Variants in KIAA1217 observed in about 807,000 individuals in gnomAD.
The protein encoded by KIAA1217 is sickle tail protein homolog.
KIAA1217 carries 88 observed loss-of-function variants against 163.9 expected under a neutral mutation model. The ratio of observed to expected loss-of-function variants is 0.54; its 90% confidence interval spans 0.45 to 0.64. The LOEUF is 0.64. KIAA1217 is among the 30% of genes least tolerant of loss of function. KIAA1217 has a pLI of 0.00. For missense variants in KIAA1217, 2,372 were observed against 2,475.0 expected (o/e 0.96, Z 0.88); for synonymous variants, 903 against 923.1 (o/e 0.98, Z 0.39).
rs145656556 is a variant in KIAA1217, at chr10:24,163,577, G to A, written c.-170-56049G>A. Among the ~76,000 whole-genome samples the A allele has an allele frequency of 1.2e-3, 184 of 152,146 alleles. 1 individual carries two copies. The highest frequency in any genetic ancestry group is 4.3e-3 in the African/African-American group (178 of 41,534). On this transcript the variant is annotated intron_variant, in intron 2 of 18. Transcript: ENST00000376462. ...TTTTCTTGAAGCTTATTTCTTTTCC[G>A]TTCATTATTCATACTTTAGTAAGTA... is the stretch of plus-strand genomic sequence containing the variant.
chr10:23,868,744 T>C lies in KIAA1217; in HGVS notation c.-320-138481T>C, dbSNP rs537513868. 1.4e-4 allele frequency among the ~76,000 whole-genome samples: 21 copies of C among 152,302 alleles called. 1 individual carries two copies. The South Asian group carries it at 3.7e-3, about 27-fold the overall frequency. On this transcript the variant is annotated intron_variant, in intron 1 of 18. Coordinates refer to the KIAA1217 transcript ENST00000376462. The stretch of plus-strand genomic sequence containing the variant: ...AGTAGAGCCTCCTGGCTCTCAGGCC[T>C]GCTGCGTTGTCAGGATGTTTGCAAA...
At chr10:23,715,649 C>G (rs1306981632) in intron 1 of KIAA1217, among the ~76,000 whole-genome samples, 1 of 152,026 alleles carries the variant, frequency 6.6e-6, no homozygotes, top group Admixed American at 6.6e-5. Flanking sequence ...GAAGTGATGA[C>G]TAACATGTAA....
In KIAA1217 at chr10:24,433,119, G is replaced by T. The variant is rs1357804696; in HGVS notation, c.678G>T (p.Met226Ile). The change falls in exon 4 of 21, where the codon ATG becomes ATT. Residue 226 changes from methionine to isoleucine, a missense_variant. Met to Ile is a conservative substitution (Grantham distance 10, BLOSUM62 1). Coordinates refer to ENST00000376454, the MANE Select transcript of KIAA1217 (RefSeq NM_019590.5). The stretch of plus-strand genomic sequence containing the variant: ...TTCCACAGCAGCTCACCATGAAAAT[G>T]CTGGAATCGCCCAGTGTCGCCATTT... ...SAFPQQLTMK[M>I]LESPSVAIYI... The T allele has an allele frequency of 2.5e-6, 4 of 1,614,164 alleles. No individual in the cohort carries two copies. Among genetic ancestry groups the T allele is most frequent in the Non-Finnish European group, 3.4e-6 (4 of 1,180,028 alleles).
chr10:23,803,693 A>G (rs1039252636), intron 1 of KIAA1217, among the ~76,000 whole-genome samples: 1 of 152,130 alleles, frequency 6.6e-6, no homozygotes, highest in African/African-American at 2.4e-5. Context: ...ACTTTTCTCA[A>G]TTTTAAATCA....
At position 23,805,991 on chromosome 10, in the gene KIAA1217, C is replaced by A. The variant is rs1170193459; in HGVS notation, c.-321+110757C>A. On this transcript the variant is annotated intron_variant, in intron 1 of 18. Coordinates refer to the KIAA1217 transcript ENST00000376462. ...AGCCTGGGCAACAAGAGCAAAACTC[C>A]ATCTCAAAAAAAAAAAAAAAAAAAA... 6.4e-4 allele frequency among the ~76,000 whole-genome samples: 12 copies of A among 18,884 alleles called. No individual in the cohort carries two copies. In the Admixed American group the frequency reaches 7.2e-3, roughly 11 times the overall value. 12.4% of individuals were successfully genotyped at this position (18,884 alleles called of 152,430 possible). A position where few individuals can be genotyped will look rare whatever the true frequency, so the allele number is the denominator to read the frequency against.
intron 2 of KIAA1217, among the ~76,000 whole-genome samples, chr10:24,068,697 G>T (rs751739063): frequency 1.3e-5 from 2 of 152,106 alleles, no homozygotes; most frequent in Non-Finnish European, 2.9e-5. Context: ...GTTTTTAGTG[G>T]CCCACAGGTG....
At chr10:23,792,380 G>A (rs1041797863) in intron 1 of KIAA1217, among the ~76,000 whole-genome samples, 15 of 152,142 alleles carry the variant, frequency 9.9e-5, no homozygotes, top group African/African-American at 3.1e-4. Flanking sequence ...GATTAATTTA[G>A]TTCTCTTATA....
intron 1 of KIAA1217, among the ~76,000 whole-genome samples, chr10:23,800,421 C>T (rs1836415846): frequency 6.6e-6 from 1 of 152,062 alleles, no homozygotes; most frequent in Non-Finnish European, 1.5e-5. Flanking sequence ...TTCGCTGGAG[C>T]TGGACCTGAG....
At chr10:23,900,806 T>TCC (rs1389187917) in intron 1 of KIAA1217, among the ~76,000 whole-genome samples, 6 of 152,066 alleles carry the variant, frequency 3.9e-5, no homozygotes, top group African/African-American at 1.4e-4. Flanking sequence ...TGATTTAAAT[T>TCC]CCAACTGTAT....
chr10:23,738,444 ACTCT>A, intron 1 of KIAA1217, among the ~76,000 whole-genome samples: 1 of 151,896 alleles, frequency 6.6e-6, no homozygotes, highest in African/African-American at 2.4e-5. Flanking sequence ...TTTGGCCTCT[ACTCT>A]GAAAATGCTT....
intron 2 of KIAA1217, among the ~76,000 whole-genome samples, chr10:24,036,874 C>T (rs558095121): frequency 6.6e-6 from 1 of 152,274 alleles, no homozygotes; most frequent in South Asian, 2.1e-4. Flanking sequence ...GACACACATC[C>T]AAACTAAATC....
At chr10:24,425,874 C>T (rs1425697416) in intron 3 of KIAA1217, among the ~76,000 whole-genome samples, 1 of 152,148 alleles carries the variant, frequency 6.6e-6, no homozygotes, top group Non-Finnish European at 1.5e-5. Flanking sequence ...TTTTCCCATC[C>T]CTTGTCAGCA....
At chr10:24,331,150 C>T (rs78055505) in intron 2 of KIAA1217, among the ~76,000 whole-genome samples, 2,540 of 151,926 alleles carry the variant, frequency 0.017, 47 homozygotes, top group East Asian at 0.1. Context: ...CCTGTGTTGC[C>T]TAGGCTGGAC....
chr10:23,852,170 C>A (rs1023524930), intron 1 of KIAA1217, among the ~76,000 whole-genome samples: 5 of 152,038 alleles, frequency 3.3e-5, no homozygotes, highest in African/African-American at 1.2e-4. Context: ...AGTCTTTAAT[C>A]CATCTTGAAT....
chr10:24,257,243 C>T (rs1463439427), intron 2 of KIAA1217, among the ~76,000 whole-genome samples: 1 of 152,054 alleles, frequency 6.6e-6, no homozygotes, highest in Admixed American at 6.6e-5. Context: ...CTTTAAAAAA[C>T]TTTGGTGTAT....
At chr10:23,750,312 A>G (rs1030116956) in intron 1 of KIAA1217, among the ~76,000 whole-genome samples, 3 of 152,158 alleles carry the variant, frequency 2.0e-5, no homozygotes, top group African/African-American at 7.2e-5. Context: ...AATGTAACCC[A>G]AGTTTACCTC....
At chr10:24,361,448 A>G (rs1221950071) in intron 2 of KIAA1217, among the ~76,000 whole-genome samples, 1 of 152,130 alleles carries the variant, frequency 6.6e-6, no homozygotes, top group Admixed American at 6.5e-5. Flanking sequence ...TTGGCCTCCC[A>G]AAGTGCTGAA....
chr10:24,307,354 G>A (rs566632242), intron 2 of KIAA1217, among the ~76,000 whole-genome samples: 2 of 152,288 alleles, frequency 1.3e-5, no homozygotes, highest in East Asian at 3.9e-4. Context: ...ATGTGGCTGT[G>A]ACTGCTATTA....
chr10:24,277,190 G>A (rs1018957149), intron 2 of KIAA1217, among the ~76,000 whole-genome samples: 5 of 152,192 alleles, frequency 3.3e-5, no homozygotes, highest in African/African-American at 1.2e-4. Flanking sequence ...TTGGAAGGTG[G>A]CAGCTTTTCA....
Sources: allele counts gnomAD v4.1 joint callset (sites outside exome capture counted in the v4.1 genomes callset), GRCh38; gene constraint gnomAD v4.1.1; transcripts MANE v1.5; gene names NCBI Gene and HGNC (gene_info 2026-07-23, HGNC 2026-07-21).